The following PITHD1 variants were observed in gnomAD, a reference collection of about 807,000 sequenced individuals.
PITHD1 encodes the protein PITH domain-containing protein 1.
In PITHD1, 8 loss-of-function variants were observed where a neutral mutation model predicts 27.5. The ratio of observed to expected loss-of-function variants is 0.29; its 90% CI spans 0.17 to 0.52. The LOEUF is 0.52. PITHD1 is among the 20% of genes least tolerant of loss of function. The pLI, the probability that PITHD1 is intolerant of heterozygous loss-of-function variation, is 0.96. For synonymous variants in PITHD1, 118 were observed against 106.8 expected, an observed-to-expected ratio of 1.10 and a Z score of -0.64; for missense variants, 233 against 283.9, an observed-to-expected ratio of 0.82 and a Z score of 1.29.
chr1:23,779,555 G>C, intron 2 of PITHD1, 74 bp downstream of exon 2: 1 of 1,116,876 alleles, frequency 9.0e-7, no homozygotes, highest in Non-Finnish European at 1.4e-6. Context: ...TCATTCACTG[G>C]TGTCAAGAGC....
chr1:23,783,437 GT>G (rs1244825006), intron 3 of PITHD1, among the ~76,000 whole-genome samples: 16 of 142,832 alleles, frequency 1.1e-4, no homozygotes, highest in Non-Finnish European at 1.2e-4. Flanking sequence ...ATACGTGTGT[GT>G]GTGTGTGTGT....
Position 23,782,324 on chromosome 1 carries a change from C to T in PITHD1, c.320+2383C>T, listed in dbSNP as rs979536597. Among the ~76,000 whole-genome samples the T allele has an allele frequency of 4.0e-5, 6 of 151,872 alleles. No homozygotes were observed. The East Asian group carries it at 1.2e-3, about 30-fold the overall frequency. On this transcript the variant is annotated intron_variant, in intron 3 of 5. Transcript: ENST00000246151. ...ATCCCAGCTATTCGGGAGGCTGAGGCAGGAGAATCACTTGAACCCGGGAGG... is the reference window on the plus strand; with the variant it reads ...ATCCCAGCTATTCGGGAGGCTGAGGTAGGAGAATCACTTGAACCCGGGAGG...
chr1:23,778,799 TAAC>T, intron 1 of PITHD1, 86 bp downstream of exon 1: 1 of 811,024 alleles, frequency 1.2e-6, no homozygotes, highest in East Asian at 3.4e-5. Context: ...ATGTTAAGAA[TAAC>T]GACAGCCTGG....
chr1:23,780,745 C>G (rs182197848), intron 3 of PITHD1, among the ~76,000 whole-genome samples: 5 of 151,604 alleles, frequency 3.3e-5, no homozygotes, highest in African/African-American at 1.2e-4. Context: ...CCTGGTGGTG[C>G]GTGCCTGTAA....
chr1:23,786,485 G>C (rs1294217628), intron 5 of PITHD1, 62 bp downstream of exon 5: 1 of 635,940 alleles, frequency 1.6e-6, no homozygotes, highest in Admixed American at 2.7e-5. Flanking sequence ...GTGGTGATGG[G>C]AGCTTCCAGG....
At chr1:23,781,366 A>G (rs538527222) in intron 3 of PITHD1, among the ~76,000 whole-genome samples, 1 of 151,948 alleles carries the variant, frequency 6.6e-6, no homozygotes, top group South Asian at 2.1e-4. Context: ...GAGAAGCTGA[A>G]GCATGAGAAT....
chr1:23,786,132 T>G (rs1638678515), intron 4 of PITHD1, among the ~76,000 whole-genome samples, 183 bp from the exon 5 acceptor site: 1 of 152,178 alleles, frequency 6.6e-6, no homozygotes, highest in Non-Finnish European at 1.5e-5. Context: ...TTGGACAGGA[T>G]CTGGCAGGTG....
At chr1:23,786,811 C>T (rs1319256762) in intron 5 of PITHD1, among the ~76,000 whole-genome samples, 4 of 151,864 alleles carry the variant, frequency 2.6e-5, no homozygotes, top group Non-Finnish European at 5.9e-5. Context: ...AGGCTGGTCT[C>T]GAACTCCTGA....
chr1:23,783,430 CGTGTGTGT>C (rs35540755), intron 3 of PITHD1, among the ~76,000 whole-genome samples: 1,966 of 134,416 alleles, frequency 0.015, 69 homozygotes, highest in African/African-American at 0.053. Flanking sequence ...CGTATATATA[CGTGTGTGT>C]GTGTGTGTGT....
intron 1 of PITHD1, 133 bp from the exon 2 acceptor site, chr1:23,779,305 A>G: frequency 1.4e-6 from 1 of 712,194 alleles, no homozygotes; most frequent in Non-Finnish European, 2.5e-6. Context: ...CAAGTTAATA[A>G]GTCTTGGAAA....
In PITHD1 at chr1:23,778,540, G is replaced by C; in HGVS notation, c.25G>C (p.Gly9Arg). Residue 9 changes from glycine (G) to arginine (R), a missense_variant, in exon 1 of 6, where the codon GGG becomes CGG. By Grantham distance (125) the Gly-to-Arg change is moderately radical. Coordinates refer to ENST00000246151, the MANE Select transcript of PITHD1 (RefSeq NM_020362.5). ...CATGTCGCACGGTCACAGCCACGGC[G>C]GGGGTGGCTGCCGCTGCGCCGCCGA... is the stretch of plus-strand genomic sequence containing the variant. MSHGHSHG[G>R]GGCRCAAERE... 7.5e-7 allele frequency: 1 copy of C among 1,341,136 alleles called. No individual in the cohort carries two copies. The highest frequency in any genetic ancestry group is 9.5e-7 in the Non-Finnish European group (1 of 1,051,282). The allele number at this position is 1,341,136 out of a possible 1,614,324, so 83.1% of individuals were successfully genotyped here.
chr1:23,782,915 A>T lies in PITHD1; in HGVS notation c.321-2760A>T, dbSNP rs144787943. 4.6e-3 allele frequency among the ~76,000 whole-genome samples: 698 copies of T among 152,224 alleles called. 8 individuals are homozygous for T. The highest frequency in any genetic ancestry group is 0.016 in the African/African-American group (661 of 41,538). On this transcript the variant is annotated intron_variant, in intron 3 of 5. Coordinates refer to ENST00000246151, the MANE Select transcript of PITHD1 (RefSeq NM_020362.5). ...ACTGCACCCAGCCAAAAAAAAATTT[A>T]AAAAAGTGAATTGCTGTTAATTTTG...
intron 3 of PITHD1, among the ~76,000 whole-genome samples, chr1:23,784,088 G>A (rs1638648936): frequency 6.6e-6 from 1 of 152,112 alleles, no homozygotes; most frequent in Non-Finnish European, 1.5e-5. Flanking sequence ...AAGTGACAGA[G>A]CCAGGCTTGA....
intron 5 of PITHD1, among the ~76,000 whole-genome samples, chr1:23,786,804 C>T (rs899539838): frequency 6.6e-6 from 1 of 151,926 alleles, no homozygotes; most frequent in African/African-American, 2.4e-5. Flanking sequence ...GTTGGCCAGG[C>T]TGGTCTCGAA....
At position 23,786,351 on chromosome 1, in the gene PITHD1, T is replaced by A; in HGVS notation, c.462T>A (p.Ile154=). Residue 154 remains isoleucine (I), a synonymous_variant, in exon 5 of 6, where the codon ATT becomes ATA. Transcript: ENST00000246151. ...TTTCAAATGTCTATCATCTCTCAAT[T>A]CATATTTCAAAAAACTTCGGAGCAG... The part of the protein sequence containing the change: ...SRFSNVYHLS[I]HISKNFGADT... The A allele has an allele frequency of 7.5e-6, 12 of 1,600,360 alleles. No individual in the cohort carries two copies. The highest frequency in any genetic ancestry group is 9.4e-6 in the Non-Finnish European group (11 of 1,168,428).
chr1:23,785,835 ATT>A (rs1297639972), intron 4 of PITHD1, 56 bp downstream of exon 4: 1 of 985,636 alleles, frequency 1.0e-6, no homozygotes, highest in African/African-American at 1.6e-5. Flanking sequence ...CTTGCCATTT[ATT>A]TTTGGCCAGT....
intron 3 of PITHD1, among the ~76,000 whole-genome samples, chr1:23,781,143 G>A (rs1296687429): frequency 6.6e-6 from 1 of 151,706 alleles, no homozygotes; most frequent in Non-Finnish European, 1.5e-5. Flanking sequence ...AGCCAGGATC[G>A]TGCCACTGCA....
Position 23,787,441 on chromosome 1 carries a change from G to A in PITHD1, c.*65G>A. The A allele has an allele frequency of 2.2e-6, 2 of 924,596 alleles. No individual in the cohort carries two copies. The highest frequency in any genetic ancestry group is 1.6e-5 in the African/African-American group (1 of 61,186). 57.3% of individuals were successfully genotyped at this position (924,596 alleles called of 1,614,324 possible). On this transcript the variant is annotated 3_prime_UTR_variant, in exon 6 of 6. Coordinates refer to ENST00000246151, the MANE Select transcript of PITHD1 (RefSeq NM_020362.5). ...AGATGTACGACTACCTGTTGGGAAGGACAAAGGGATGAGGCTCCAGAGAGA... is the reference window on the plus strand; with the variant it reads ...AGATGTACGACTACCTGTTGGGAAGAACAAAGGGATGAGGCTCCAGAGAGA...
Position 23,778,474 on chromosome 1 carries a change from G to C in PITHD1, c.-42G>C, listed in dbSNP as rs1349084792. On this transcript the variant is annotated 5_prime_UTR_variant, in exon 1 of 6. Transcript: ENST00000246151. ...CTGAGGCGAGCCGAGCCGAGCGAGC[G>C]CGGCGGTGGGGCCGAGAGGACGCGC... The C allele has an allele frequency of 1.5e-6, 2 of 1,298,564 alleles. No individual in the cohort carries two copies. Among genetic ancestry groups the C allele is most frequent in the Non-Finnish European group, 2.0e-6 (2 of 1,017,556 alleles). The allele number at this position is 1,298,564 out of a possible 1,614,324, so 80.4% of individuals were successfully genotyped here. A position where few individuals can be genotyped will look rare whatever the true frequency, so the allele number is the denominator to read the frequency against.
Sources: gnomAD v4.1 joint callset for allele counts (sites outside exome capture counted in the v4.1 genomes callset) on GRCh38, gnomAD v4.1.1 for gene constraint, MANE v1.5 for transcripts, NCBI Gene and HGNC (gene_info 2026-07-23, HGNC 2026-07-21) for gene names.